Variants in CELF3 observed in about 807,000 individuals in gnomAD.
CELF3 encodes the protein CAG repeat domain.
CELF3 carries 26 observed loss-of-function variants against 59.6 expected under a neutral mutation model. That is an observed-to-expected ratio of 0.44 (90% confidence interval 0.32 to 0.61). The LOEUF is 0.61. Among genes scored for constraint, CELF3 ranks in the 20% least tolerant of loss-of-function variants. The probability of loss-of-function intolerance (pLI) is 0.06; values close to 1 mark genes in which losing one functional copy is unlikely to be tolerated. For synonymous variants in CELF3, 245 were observed against 250.7 expected (o/e 0.98, Z 0.22); for missense variants, 387 against 627.2 (o/e 0.62, Z 4.09).
At position 151,701,757 on chromosome 1, in the gene CELF3, A is replaced by C. The variant is rs1308147; in HGVS notation, c.*1702T>G. Among the ~76,000 whole-genome samples the C allele has an allele frequency of 0.42, 63,614 of 151,650 alleles. 14,384 individuals are homozygous for C. Among genetic ancestry groups the C allele is most frequent in the East Asian group, 0.62 (3,165 of 5,130 alleles). ...AGCAAGACCCTGTCTACAAAAAAAA[A>C]CACCATTTTTAAAAATGAGCTGGGC... On this transcript the variant is annotated 3_prime_UTR_variant, in exon 13 of 13. Coordinates refer to ENST00000290583, the MANE Select transcript of CELF3 (RefSeq NM_007185.7).
At position 151,701,883 on chromosome 1, in the gene CELF3, A is replaced by T. The variant is rs1286312705; in HGVS notation, c.*1576T>A. Among the ~76,000 whole-genome samples the T allele has an allele frequency of 6.6e-6, 1 of 152,232 alleles. No individual in the cohort carries two copies. Among genetic ancestry groups the T allele is most frequent in the Non-Finnish European group, 1.5e-5 (1 of 68,040 alleles). ...GGTTGCAGTGAGCTATGATCTCACC[A>T]TCACACTCCAGCTTGAGTGACAGAG... On this transcript the variant is annotated 3_prime_UTR_variant, in exon 13 of 13. Transcript: ENST00000290583.
chr1:151,709,860 G>A lies in CELF3; in HGVS notation c.229-69C>T. On this transcript the variant is annotated intron_variant, in intron 2 of 12. Coordinates refer to ENST00000290583, the MANE Select transcript of CELF3 (RefSeq NM_007185.7). The surrounding 1 kb of genome is among the most constrained non-coding windows in gnomAD (Gnocchi z 4.9). The stretch of plus-strand genomic sequence containing the variant: ...ACACCCAAGAGCCCTCCCAGGCCAG[G>A]CCCTGCAGAGAGACTAGAGGGGCAA... 2.7e-6 allele frequency: 4 copies of A among 1,480,616 alleles called. No homozygotes were observed. Among genetic ancestry groups the A allele is most frequent in the Non-Finnish European group, 3.8e-6 (4 of 1,058,124 alleles). 91.7% of individuals were successfully genotyped at this position (1,480,616 alleles called of 1,614,324 possible). A position where few individuals can be genotyped will look rare whatever the true frequency, so the allele number is the denominator to read the frequency against.
rs967438991 is a variant in CELF3 at position 151,702,023 on chromosome 1, A to G, written c.*1436T>C. Among the ~76,000 whole-genome samples the G allele has an allele frequency of 1.3e-5, 2 of 152,242 alleles. No individual in the cohort carries two copies. Among genetic ancestry groups the G allele is most frequent in the Non-Finnish European group, 2.9e-5 (2 of 68,042 alleles). ...ATAAGGACTTGGAACAGAATCACAT[A>G]TGGAGCAGTGGTTAGTAAATGGTGG... is the stretch of plus-strand genomic sequence containing the variant. On this transcript the variant is annotated 3_prime_UTR_variant, in exon 13 of 13. Coordinates refer to ENST00000290583, the MANE Select transcript of CELF3 (RefSeq NM_007185.7).
At position 151,703,350 on chromosome 1, in the gene CELF3, C is replaced by T. The variant is rs1409769746; in HGVS notation, c.*109G>A. On this transcript the variant is annotated 3_prime_UTR_variant, in exon 13 of 13. Transcript: ENST00000290583. Reference sequence around the variant, plus strand: ...CCGGGGGCCACGAAGCAGCGTTTGCCCCAGAACCCAGTCAAGGCCCAGGGC... The same window carrying T: ...CCGGGGGCCACGAAGCAGCGTTTGCTCCAGAACCCAGTCAAGGCCCAGGGC... The T allele has an allele frequency of 2.2e-6, 1 of 444,584 alleles. No individual in the cohort carries two copies. The highest frequency in any genetic ancestry group is 4.5e-6 in the Non-Finnish European group (1 of 220,804). 27.5% of individuals were successfully genotyped at this position (444,584 alleles called of 1,614,324 possible). A position where few individuals can be genotyped will look rare whatever the true frequency, so the allele number is the denominator to read the frequency against.
chr1:151,714,705 G>A (rs774125669), intron 1 of CELF3, 29 bp from the exon 2 acceptor site: 87 of 1,480,540 alleles, frequency 5.9e-5, no homozygotes, highest in Non-Finnish European at 7.5e-5. Flanking sequence ...AGAGAAACAC[G>A]GCGGGGGGTG....
rs775942036 is a variant in CELF3, at chr1:151,705,037, G to GC, written c.*3dup. ...ACAACGGAGCGGGACCCACCTGGGG[G>GC]CCCTCAGTAGGGCCGGTTGGCATCC... On this transcript the variant is annotated 3_prime_UTR_variant, in exon 12 of 13. Transcript: ENST00000290583. This position sits in a 1 kb window ranked among gnomAD's most constrained non-coding sequence, Gnocchi z 5.1. The GC allele has an allele frequency of 6.2e-7, 1 of 1,610,614 alleles. No homozygotes were observed. The highest frequency in any genetic ancestry group is 1.1e-5 in the South Asian group (1 of 90,940).
rs759629716 is a variant in CELF3, at chr1:151,705,927, G to A, written c.1165C>T (p.Gln389Ter). The A allele has an allele frequency of 6.2e-7, 1 of 1,614,030 alleles. No homozygotes were observed. Among genetic ancestry groups the A allele is most frequent in the Non-Finnish European group, 8.5e-7 (1 of 1,179,922 alleles). Residue 389 changes from glutamine (Q) to a stop codon, truncating the protein, a stop_gained, in exon 11 of 13, where the codon CAG becomes TAG. Coordinates refer to ENST00000290583, the MANE Select transcript of CELF3 (RefSeq NM_007185.7). LOFTEE classifies it high-confidence loss of function. This position sits in a 1 kb window ranked among gnomAD's most constrained non-coding sequence, Gnocchi z 5.1. ...AGGATCTCTGAGTCAGTGAACTCCT[G>A]GGGCAGGTGGTAGATGAAGATGTTG... The part of the protein sequence containing the change: ...GCNIFIYHLP[Q>*]EFTDSEILQM...
chr1:151,715,114 G>A (rs375618436), intron 1 of CELF3, among the ~76,000 whole-genome samples: 1 of 152,080 alleles, frequency 6.6e-6, no homozygotes, highest in Admixed American at 6.5e-5. Context: ...GGCAGGTGGA[G>A]GACGGAGAGT....
intron 1 of CELF3, among the ~76,000 whole-genome samples, chr1:151,715,168 G>T (rs1673371299): frequency 6.6e-6 from 1 of 152,054 alleles, no homozygotes; most frequent in Admixed American, 6.5e-5. Context: ...AGCCGGAAGT[G>T]CCTCTTCCCT....
rs960904123 is a variant in CELF3, at chr1:151,706,356, A to T, written c.994T>A (p.Tyr332Asn). The change falls in exon 10 of 13, where the codon TAC (tyrosine) becomes AAC (asparagine). Residue 332 changes from tyrosine (Y) to asparagine (N), a missense_variant. By Grantham distance (143) the Tyr-to-Asn change is moderately radical (BLOSUM62 -2). Transcript: ENST00000290583. ...GCAACCAGGCTGTAGGCTGCTGGGTAGGCTGCTGGGGTGGGGAGAAGAGAG... is the reference window on the plus strand; with the variant it reads ...GCAACCAGGCTGTAGGCTGCTGGGTTGGCTGCTGGGGTGGGGAGAAGAGAG... ...YAGMQHYTAA[Y>N]PAAYSLVAPA... The T allele has an allele frequency of 6.5e-7, 1 of 1,548,492 alleles. No homozygotes were observed.
chr1:151,716,270 G>A lies in CELF3; in HGVS notation c.-250C>T, dbSNP rs1472727321. 10 of 460,868 alleles carry A rather than the reference G, an allele frequency of 2.2e-5. No homozygotes were observed. The highest frequency in any genetic ancestry group is 3.1e-5 in the Non-Finnish European group (8 of 259,834). 28.5% of individuals were successfully genotyped at this position (460,868 alleles called of 1,614,324 possible). ...ACCAGGGGGCATCGCCTAAACAAAC[G>A]ATCTCCCTCCCAGAGATCTGGCAAA... is the stretch of plus-strand genomic sequence containing the variant. On this transcript the variant is annotated 5_prime_UTR_variant, in exon 1 of 13. Transcript: ENST00000290583.
Position 151,707,290 on chromosome 1 carries a change from G to A in CELF3, c.777C>T (p.Thr259=). 1.3e-6 allele frequency: 2 copies of A among 1,569,012 alleles called. No homozygotes were observed. Among genetic ancestry groups the A allele is most frequent in the Non-Finnish European group, 1.7e-6 (2 of 1,159,074 alleles). Residue 259 remains threonine (T), a synonymous_variant, in exon 8 of 13, where the codon ACC becomes ACT. Coordinates refer to ENST00000290583, the MANE Select transcript of CELF3 (RefSeq NM_007185.7). ...TGGCAGCGATGGCAGGAGGGGTGCT[G>A]GTTCCTGGGGAGGAGAAAGCGACAG... The part of the protein sequence containing the change: ...IATPITPSSG[T]STPPAIAATP...
At chr1:151,714,768 G>A (rs960040308) in intron 1 of CELF3, 92 bp from the exon 2 acceptor site, 105 of 914,888 alleles carry the variant, frequency 1.1e-4, no homozygotes, top group Middle Eastern at 6.3e-4. Context: ...TGACGACTGG[G>A]AAGCTTTCCC....
rs746113287 is a variant in CELF3 at position 151,706,246 on chromosome 1, TTGCTGCTGC to T, written c.1095_1103del (p.Gln371_Gln373del). 89 of 1,597,486 alleles carry T rather than the reference TTGCTGCTGC, an allele frequency of 5.6e-5. No homozygotes were observed. Among genetic ancestry groups the T allele is most frequent in the African/African-American group, 8.1e-5 (6 of 74,290 alleles). On this transcript the variant is annotated inframe_deletion, in exon 10 of 13. Coordinates refer to ENST00000290583, the MANE Select transcript of CELF3 (RefSeq NM_007185.7). ...CACCTTCTCTTTGCTGCTGCTGCTG[TTGCTGCTGC>T]TGCTGCTGCTGCTGCTGTTGAGGTG...
In CELF3 at chr1:151,709,971, C is replaced by CAG; in HGVS notation, c.229-182_229-181dup. 1.5e-6 allele frequency: 1 copy of CAG among 654,162 alleles called. No individual in the cohort carries two copies. The allele number at this position is 654,162 out of a possible 1,614,324, so 40.5% of individuals were successfully genotyped here. A position where few individuals can be genotyped will look rare whatever the true frequency, so the allele number is the denominator to read the frequency against. On this transcript the variant is annotated intron_variant, in intron 2 of 12. Coordinates refer to ENST00000290583, the MANE Select transcript of CELF3 (RefSeq NM_007185.7). The surrounding 1 kb of genome is among the most constrained non-coding windows in gnomAD (Gnocchi z 4.9). ...TGAAGGCCTGAGGGGATCAGAGGCACAGAGAGAGAGGATGTAGAGGGAGAG... is the reference window on the plus strand; with the variant it reads ...TGAAGGCCTGAGGGGATCAGAGGCACAGAGAGAGAGAGGATGTAGAGGGAGAG...
chr1:151,706,796 TCTCTGGGC>T (rs1259224400), intron 8 of CELF3, 62 bp from the exon 9 acceptor site: 23 of 1,312,378 alleles, frequency 1.8e-5, no homozygotes, highest in Middle Eastern at 4.0e-4. Context: ...CCTCAGTGCC[TCTCTGGGC>T]CTCTGGGCCG....
At chr1:151,704,555 C>T (rs1319382747) in intron 12 of CELF3, among the ~76,000 whole-genome samples, 1 of 152,124 alleles carries the variant, frequency 6.6e-6, no homozygotes, top group Non-Finnish European at 1.5e-5. Context: ...TCCAGGGAAA[C>T]CAGGGCTGAT....
intron 10 of CELF3, 89 bp downstream of exon 10, chr1:151,706,135 T>A: frequency 6.2e-7 from 1 of 1,606,702 alleles, no homozygotes; most frequent in East Asian, 2.2e-5. Context: ...TCCTGACACG[T>A]GGGCAAGAGC....
intron 2 of CELF3, among the ~76,000 whole-genome samples, chr1:151,714,126 G>A (rs548348996): frequency 6.0e-4 from 91 of 152,198 alleles, no homozygotes; most frequent in Non-Finnish European, 1.1e-3. Flanking sequence ...GAGAGCTCAA[G>A]AACCAGCACC....
Sources: allele counts gnomAD v4.1 joint callset (sites outside exome capture counted in the v4.1 genomes callset), GRCh38; gene constraint gnomAD v4.1.1; non-coding constraint Gnocchi (gnomAD v3.1); transcripts MANE v1.5; gene names NCBI Gene and HGNC (gene_info 2026-07-23, HGNC 2026-07-21).